The following ZNF704 variants were observed in gnomAD, a reference collection of about 807,000 sequenced individuals.
ZNF704 encodes the protein glucocorticoid induced gene 1.
A neutral mutation model predicts 44.7 loss-of-function variants in ZNF704; 10 were observed. The observed-to-expected ratio is 0.22, with a 90% CI of 0.14 to 0.38. ZNF704 has a LOEUF of 0.38. ZNF704 is among the 10% of genes least tolerant of loss of function. The probability of loss-of-function intolerance (pLI) is 1.00; values close to 1 mark genes in which losing one functional copy is unlikely to be tolerated. For missense variants in ZNF704, 390 were observed against 545.5 expected (o/e 0.71, Z 2.84); for synonymous variants, 211 against 207.6 (o/e 1.02, Z -0.14).
chr8:80,838,818 AG>A (rs1029287662), intron 1 of ZNF704, among the ~76,000 whole-genome samples: 63 of 151,294 alleles, frequency 4.2e-4, no homozygotes, highest in Middle Eastern at 3.5e-3. Flanking sequence ...GAAAGGGGAA[AG>A]GAACAGGAGG....
At chr8:80,659,160 T>C (rs1258907321) in intron 7 of ZNF704, among the ~76,000 whole-genome samples, 2 of 152,214 alleles carry the variant, frequency 1.3e-5, no homozygotes, top group Admixed American at 6.5e-5. Flanking sequence ...GAAAAAATGA[T>C]TTTGATGTAT....
At position 80,633,146 on chromosome 8, in the gene ZNF704, T is replaced by A. The variant is rs183076360; in HGVS notation, c.*8220A>T. On this transcript the variant is annotated 3_prime_UTR_variant, in exon 9 of 9. Transcript: ENST00000327835. ...AATTGCATTCATATTTAAACATGACTTAACCATATTACCAGGCGTTTCCAA... is the reference window on the plus strand; with the variant it reads ...AATTGCATTCATATTTAAACATGACATAACCATATTACCAGGCGTTTCCAA... The A allele has an allele frequency of 6.6e-6, 1 of 152,364 alleles. No homozygotes were observed. The highest frequency in any genetic ancestry group is 1.5e-5 in the Non-Finnish European group (1 of 68,030). The allele number at this position is 152,364 out of a possible 1,614,324, so 9.4% of individuals were successfully genotyped here.
At chr8:80,878,075 G>A (rs963621911), upstream of ZNF704, among the ~76,000 whole-genome samples, 3 of 152,150 alleles carry the variant, frequency 2.0e-5, no homozygotes, top group Non-Finnish European at 4.4e-5. Flanking sequence ...AGTTTGAGAA[G>A]CACTGCTGCG....
intron 1 of ZNF704, among the ~76,000 whole-genome samples, chr8:80,856,990 T>A (rs1808973610): frequency 6.6e-6 from 1 of 152,166 alleles, no homozygotes; most frequent in African/African-American, 2.4e-5. Context: ...ACATAGTATA[T>A]CAATTCATTT....
intron 2 of ZNF704, among the ~76,000 whole-genome samples, chr8:80,795,480 C>A (rs186405332): frequency 6.6e-6 from 1 of 152,200 alleles, no homozygotes; most frequent in Admixed American, 6.5e-5. Flanking sequence ...TTTCTTTAAA[C>A]TATCAGCCAA....
intron 2 of ZNF704, among the ~76,000 whole-genome samples, chr8:80,761,372 G>C (rs1807127742): frequency 6.6e-6 from 1 of 152,142 alleles, no homozygotes; most frequent in Non-Finnish European, 1.5e-5. Flanking sequence ...ACAGACATTT[G>C]TGGTGCTCTC....
At chr8:80,741,310 A>G (rs1216824534) in intron 2 of ZNF704, among the ~76,000 whole-genome samples, 3 of 152,198 alleles carry the variant, frequency 2.0e-5, no homozygotes, top group Admixed American at 6.5e-5. Flanking sequence ...AAGCTTGCCA[A>G]CGGGGCAAGA....
chr8:80,661,738 A>G (rs1818105493), intron 6 of ZNF704, among the ~76,000 whole-genome samples: 1 of 152,172 alleles, frequency 6.6e-6, no homozygotes, highest in African/African-American at 2.4e-5. Context: ...AAATACAATA[A>G]TTGATGTCAT....
At chr8:80,645,135 T>C in intron 7 of ZNF704, 1 of 1,608,376 alleles carries the variant, frequency 6.2e-7, no homozygotes. Context: ...CTCCTCGTCG[T>C]CGTATTTGTC....
At chr8:80,747,942 C>G (rs1243476262) in intron 2 of ZNF704, among the ~76,000 whole-genome samples, 2 of 152,134 alleles carry the variant, frequency 1.3e-5, no homozygotes, top group African/African-American at 4.8e-5. Context: ...GTCCTGATCT[C>G]CTGACCTCGT....
chr8:80,784,038 T>C (rs766290207), intron 2 of ZNF704, among the ~76,000 whole-genome samples: 19 of 152,266 alleles, frequency 1.2e-4, no homozygotes, highest in Non-Finnish European at 2.5e-4. Flanking sequence ...GCTTCTTCCA[T>C]ATCTTTTCTT....
At chr8:80,848,020 C>T (rs1474797785) in intron 1 of ZNF704, among the ~76,000 whole-genome samples, 1 of 152,170 alleles carries the variant, frequency 6.6e-6, no homozygotes, top group African/African-American at 2.4e-5. Context: ...CCCCAACCCA[C>T]ATGTCCTTCA....
intron 2 of ZNF704, among the ~76,000 whole-genome samples, chr8:80,694,073 G>A (rs1230921152): frequency 6.6e-6 from 1 of 152,168 alleles, no homozygotes; most frequent in African/African-American, 2.4e-5. Flanking sequence ...GAGGAAGGCT[G>A]TCAGGTGTTG....
intron 2 of ZNF704, among the ~76,000 whole-genome samples, chr8:80,816,645 T>C (rs529707190): frequency 6.6e-6 from 1 of 152,332 alleles, no homozygotes; most frequent in South Asian, 2.1e-4. Context: ...TTAGTACTTG[T>C]TACCCCCAAC....
chr8:80,683,458 C>A (rs1349221970), intron 4 of ZNF704, among the ~76,000 whole-genome samples: 10 of 152,168 alleles, frequency 6.6e-5, no homozygotes, highest in Non-Finnish European at 1.3e-4. Flanking sequence ...TCCCACCCTG[C>A]CACATAGCTG....
At chr8:80,722,141 G>A (rs7814502) in intron 2 of ZNF704, among the ~76,000 whole-genome samples, 6,627 of 152,274 alleles carry the variant, frequency 0.044, 515 homozygotes, top group African/African-American at 0.15. Context: ...TCTGGAGGCT[G>A]AGGAAGGAGG....
At chr8:80,673,847 CG>C in intron 4 of ZNF704, among the ~76,000 whole-genome samples, 1 of 152,366 alleles carries the variant, frequency 6.6e-6, no homozygotes, top group South Asian at 2.1e-4. Context: ...TTACCAACCA[CG>C]GAAGGAGCCC....
At chr8:80,641,572 A>G (rs940182182) in intron 8 of ZNF704, 95 bp from the exon 9 acceptor site, 28 of 474,494 alleles carry the variant, frequency 5.9e-5, no homozygotes, top group Non-Finnish European at 8.4e-5. Context: ...GAGGGAGGAA[A>G]AAAAAAAAAA....
chr8:80,829,008 G>C (rs1808424843), intron 1 of ZNF704, among the ~76,000 whole-genome samples: 1 of 152,066 alleles, frequency 6.6e-6, no homozygotes, highest in Non-Finnish European at 1.5e-5. Context: ...CATATACCCA[G>C]CTCCACAGGA....
Sources: allele counts gnomAD v4.1 joint callset (sites outside exome capture counted in the v4.1 genomes callset), GRCh38; gene constraint gnomAD v4.1.1; transcripts MANE v1.5; gene names NCBI Gene and HGNC (gene_info 2026-07-23, HGNC 2026-07-21).